The following NELL1 variants were observed in gnomAD, a reference collection of about 807,000 sequenced individuals.
The protein encoded by NELL1 is neural EGFL like 1.
Under a neutral mutation model 107.4 loss-of-function variants are expected in NELL1, and 76 were observed. That is an observed-to-expected ratio of 0.71 (90% CI 0.59 to 0.86). NELL1 has a LOEUF of 0.86. Among genes scored for constraint, NELL1 ranks in the 40% least tolerant of loss-of-function variants. The pLI, the probability that NELL1 is intolerant of heterozygous loss-of-function variation, is 0.00. For synonymous variants in NELL1, 353 were observed against 341.2 expected, an observed-to-expected ratio of 1.03 and a Z score of -0.38; for missense variants, 1,024 against 1,005.5, an observed-to-expected ratio of 1.02 and a Z score of -0.25.
intron 3 of NELL1, among the ~76,000 whole-genome samples, chr11:20,810,255 A>G (rs972918062): frequency 2.6e-5 from 4 of 152,030 alleles, no homozygotes; most frequent in Non-Finnish European, 5.9e-5. Context: ...ATTGGGGTAC[A>G]GGTGGTATTT....
chr11:20,829,849 GAA>G (rs1189562879), intron 3 of NELL1, among the ~76,000 whole-genome samples: 2 of 152,012 alleles, frequency 1.3e-5, no homozygotes, highest in African/African-American at 4.8e-5. Flanking sequence ...TGCATCACGT[GAA>G]AGGATTCCTT....
intron 12 of NELL1, among the ~76,000 whole-genome samples, chr11:20,982,531 T>A (rs1200758699): frequency 6.6e-6 from 1 of 152,202 alleles, no homozygotes; most frequent in Non-Finnish European, 1.5e-5. Flanking sequence ...ACCTGTTCAA[T>A]GGTAGTAATG....
chr11:20,685,243 A>G (rs181448574), intron 2 of NELL1, among the ~76,000 whole-genome samples: 1 of 152,194 alleles, frequency 6.6e-6, no homozygotes, highest in Non-Finnish European at 1.5e-5. Context: ...CTGAAGGATC[A>G]CTGCCCTTCA....
At chr11:21,404,292 A>G (rs1272663107) in intron 15 of NELL1, among the ~76,000 whole-genome samples, 2 of 151,998 alleles carry the variant, frequency 1.3e-5, no homozygotes, top group African/African-American at 4.8e-5. Context: ...TCACACACTC[A>G]AAATGAACTG....
chr11:20,711,673 A>G (rs1424392341), intron 2 of NELL1, among the ~76,000 whole-genome samples: 3 of 151,860 alleles, frequency 2.0e-5, no homozygotes, highest in Admixed American at 1.3e-4. Context: ...TTCTTGGCTG[A>G]TAATTATTTT....
chr11:20,853,323 T>C (rs1848824557), intron 4 of NELL1, among the ~76,000 whole-genome samples: 1 of 152,258 alleles, frequency 6.6e-6, no homozygotes, highest in Non-Finnish European at 1.5e-5. Flanking sequence ...TGGTTTAATC[T>C]AGATGGAAAC....
chr11:20,811,862 A>T (rs1857508290), intron 3 of NELL1, among the ~76,000 whole-genome samples: 1 of 152,112 alleles, frequency 6.6e-6, no homozygotes, highest in Admixed American at 6.5e-5. Flanking sequence ...TAATATATAT[A>T]AAATTATGTT....
chr11:20,990,187 C>G (rs1851941850), intron 12 of NELL1, among the ~76,000 whole-genome samples: 1 of 152,120 alleles, frequency 6.6e-6, no homozygotes, highest in Non-Finnish European at 1.5e-5. Context: ...TTTCATGGGT[C>G]AGTAAGGTCT....
In NELL1 at chr11:21,015,410, A is replaced by C. The variant is rs576428870; in HGVS notation, c.1300+54850A>C. Among the ~76,000 whole-genome samples, 3 of 152,188 alleles carry C rather than the reference A, an allele frequency of 2.0e-5. No homozygotes were observed. In the South Asian group the frequency reaches 6.2e-4, roughly 32 times the overall value. On this transcript the variant is annotated intron_variant, in intron 12 of 19. Transcript: ENST00000357134. ...AATCAGTACCCTTTTCCCTGTGCTC[A>C]TAGTGGTTCCTACCTTAGAGTGACC...
chr11:20,799,718 GCA>G (rs1298199705), intron 3 of NELL1, among the ~76,000 whole-genome samples: 1 of 152,130 alleles, frequency 6.6e-6, no homozygotes, highest in East Asian at 1.9e-4. Flanking sequence ...GGGAGTACAT[GCA>G]CAGAGTTGTT....
At chr11:21,480,537 C>A (rs1435450652) in intron 15 of NELL1, among the ~76,000 whole-genome samples, 1 of 152,154 alleles carries the variant, frequency 6.6e-6, no homozygotes, top group Non-Finnish European at 1.5e-5. Context: ...AATTGTCACA[C>A]TTATCTGACC....
intron 2 of NELL1, among the ~76,000 whole-genome samples, chr11:20,735,567 G>A (rs531725095): frequency 6.6e-6 from 1 of 152,132 alleles, no homozygotes; most frequent in Non-Finnish European, 1.5e-5. Context: ...CAATATGTGG[G>A]GATTATGGAA....
chr11:21,351,000 G>A (rs1267226111), intron 14 of NELL1, among the ~76,000 whole-genome samples: 1 of 152,026 alleles, frequency 6.6e-6, no homozygotes, highest in Non-Finnish European at 1.5e-5. Flanking sequence ...ATTTAGCATG[G>A]GTCCTAAATC....
intron 11 of NELL1, among the ~76,000 whole-genome samples, chr11:20,955,975 C>CT (rs1851162010): frequency 3.3e-5 from 5 of 152,118 alleles, no homozygotes; most frequent in Admixed American, 2.6e-4. Context: ...AATCCCAGCA[C>CT]TTTGGGAGGC....
intron 13 of NELL1, among the ~76,000 whole-genome samples, chr11:21,120,875 C>A (rs551620753): frequency 6.6e-6 from 1 of 152,216 alleles, no homozygotes; most frequent in Non-Finnish European, 1.5e-5. Flanking sequence ...GAATTTCTCT[C>A]TTTTTTTCTT....
At chr11:20,777,608 A>G (rs1022709966) in intron 2 of NELL1, among the ~76,000 whole-genome samples, 13 of 152,184 alleles carry the variant, frequency 8.5e-5, no homozygotes, top group African/African-American at 3.1e-4. Flanking sequence ...TTTCCTCTAC[A>G]TTCAGAAATG....
intron 17 of NELL1, among the ~76,000 whole-genome samples, chr11:21,568,922 G>C (rs533808929): frequency 6.6e-6 from 1 of 150,800 alleles, no homozygotes; most frequent in Non-Finnish European, 1.5e-5. Flanking sequence ...GATTAAAAAA[G>C]ATAGTATACT....
intron 15 of NELL1, among the ~76,000 whole-genome samples, chr11:21,527,532 G>C (rs1382407752): frequency 6.6e-6 from 1 of 152,120 alleles, no homozygotes; most frequent in Non-Finnish European, 1.5e-5. Flanking sequence ...TCTCTAAAGG[G>C]ACAGAACTAA....
At chr11:21,573,752 G>A (rs921624183) in intron 19 of NELL1, among the ~76,000 whole-genome samples, 5 of 151,630 alleles carry the variant, frequency 3.3e-5, no homozygotes, top group Non-Finnish European at 7.4e-5. Flanking sequence ...AGGAAGGGAA[G>A]TAGAAAGAAA....
Sources: gnomAD v4.1 joint callset for allele counts (sites outside exome capture counted in the v4.1 genomes callset) on GRCh38, gnomAD v4.1.1 for gene constraint, MANE v1.5 for transcripts, NCBI Gene and HGNC (gene_info 2026-07-23, HGNC 2026-07-21) for gene names.